GRID2: variants seen among roughly 807,000 people sequenced by gnomAD.
GRID2 encodes glutamate receptor ionotropic, delta-2.
GRID2 carries 33 observed loss-of-function variants against 114.8 expected under a neutral mutation model. The observed-to-expected ratio is 0.29, with a 90% CI of 0.22 to 0.38. The LOEUF is 0.38. GRID2 is among the 10% of genes least tolerant of loss of function. The pLI is 1.00. For synonymous variants in GRID2, 505 were observed against 449.9 expected (o/e 1.12, Z -1.55); for missense variants, 1,184 against 1,257.7 (o/e 0.94, Z 0.89).
intron 2 of GRID2, among the ~76,000 whole-genome samples, chr4:92,813,310 G>C (rs907169770): frequency 2.0e-5 from 3 of 152,068 alleles, no homozygotes; most frequent in African/African-American, 7.2e-5. Context: ...GCCAGGTTCT[G>C]GTTCAAGCCC....
chr4:92,304,988 G>A (rs763343308), intron 1 of GRID2, among the ~76,000 whole-genome samples: 15 of 152,178 alleles, frequency 9.9e-5, no homozygotes, highest in Non-Finnish European at 2.1e-4. Flanking sequence ...ATGCGTGGGG[G>A]TCTCGAGTTG....
chr4:93,064,053 G>A (rs1247493282), intron 2 of GRID2, among the ~76,000 whole-genome samples: 1 of 141,290 alleles, frequency 7.1e-6, no homozygotes, highest in Non-Finnish European at 1.5e-5. Context: ...CGCTGTTAAT[G>A]TTACATTTAC....
In GRID2 at chr4:92,359,896, G is replaced by GA. The variant is rs544507647; in HGVS notation, c.88+55160dup. The stretch of plus-strand genomic sequence containing the variant: ...GTGACCTATGATATTGACTATTTCT[G>GA]AAAAAAAATCTTTATAGTTGGGTAC... On this transcript the variant is annotated intron_variant, in intron 1 of 15. Coordinates refer to ENST00000282020, the MANE Select transcript of GRID2 (RefSeq NM_001510.4). Among the ~76,000 whole-genome samples, 48 of 151,712 alleles carry GA rather than the reference G, an allele frequency of 3.2e-4. 1 individual carries two copies. The South Asian group carries it at 8.7e-3, about 28-fold the overall frequency.
chr4:92,626,889 A>G (rs1730550306), intron 2 of GRID2, among the ~76,000 whole-genome samples: 1 of 152,106 alleles, frequency 6.6e-6, no homozygotes, highest in Non-Finnish European at 1.5e-5. Flanking sequence ...ACAGAGTCAA[A>G]TCATTAATAA....
chr4:93,767,348 A>C (rs955321989), intron 14 of GRID2, among the ~76,000 whole-genome samples: 4 of 152,196 alleles, frequency 2.6e-5, no homozygotes, highest in Non-Finnish European at 5.9e-5. Context: ...AATTCTGGAA[A>C]TGCAAATGGC....
At chr4:93,122,027 T>C (rs1333646172) in intron 4 of GRID2, among the ~76,000 whole-genome samples, 1 of 152,186 alleles carries the variant, frequency 6.6e-6, no homozygotes, top group South Asian at 2.1e-4. Context: ...GTCAAGTGAA[T>C]GTATTTTGAA....
intron 2 of GRID2, among the ~76,000 whole-genome samples, chr4:92,715,481 A>G (rs1368630812): frequency 6.6e-6 from 1 of 152,008 alleles, no homozygotes; most frequent in Non-Finnish European, 1.5e-5. Context: ...CCTGCTATCA[A>G]TTTACTGTAT....
At chr4:92,783,305 A>T (rs1293935514) in intron 2 of GRID2, among the ~76,000 whole-genome samples, 1 of 152,080 alleles carries the variant, frequency 6.6e-6, no homozygotes, top group African/African-American at 2.4e-5. Context: ...TGGCAGTTTT[A>T]CATGATTCAG....
chr4:92,897,995 T>G (rs1747291263), intron 2 of GRID2, among the ~76,000 whole-genome samples: 1 of 152,176 alleles, frequency 6.6e-6, no homozygotes, highest in African/African-American at 2.4e-5. Context: ...CTACATCTTC[T>G]TTACATTTTA....
rs112528850 is a variant in GRID2 at position 93,156,447 on chromosome 4, G to A, written c.735+45494G>A. ...AGTAGGAACAAGGAACAATAATCCA[G>A]TTCAAATAGATGGGCGTGCTCAAAT... is the stretch of plus-strand genomic sequence containing the variant. On this transcript the variant is annotated intron_variant, in intron 4 of 15. Coordinates refer to ENST00000282020, the MANE Select transcript of GRID2 (RefSeq NM_001510.4). Among the ~76,000 whole-genome samples, 113 of 151,732 alleles carry A rather than the reference G, an allele frequency of 7.4e-4. 1 individual carries two copies. The highest frequency in any genetic ancestry group is 2.6e-3 in the African/African-American group (106 of 41,496).
intron 2 of GRID2, among the ~76,000 whole-genome samples, chr4:92,850,418 C>T (rs1743688468): frequency 6.6e-6 from 1 of 151,712 alleles, no homozygotes; most frequent in Non-Finnish European, 1.5e-5. Context: ...GATAGTTGAA[C>T]ATTTTTCATG....
intron 11 of GRID2, among the ~76,000 whole-genome samples, chr4:93,467,933 A>G (rs1580168798): frequency 6.6e-6 from 1 of 152,296 alleles, no homozygotes; most frequent in African/African-American, 2.4e-5. Flanking sequence ...TCATCATAAC[A>G]TGTTTTGAAA....
At chr4:93,502,481 A>T (rs1438432691) in intron 12 of GRID2, among the ~76,000 whole-genome samples, 1 of 151,950 alleles carries the variant, frequency 6.6e-6, no homozygotes, top group Non-Finnish European at 1.5e-5. Context: ...TGAAAAAAAA[A>T]ATCCTTTTTT....
intron 15 of GRID2, among the ~76,000 whole-genome samples, chr4:93,770,765 C>T (rs1734045605): frequency 6.6e-6 from 1 of 152,122 alleles, no homozygotes; most frequent in African/African-American, 2.4e-5. Flanking sequence ...AAAGTAAGGA[C>T]TCCCCAAGCT....
rs769875157 is a variant in GRID2 at position 93,423,011 on chromosome 4, A to G, written c.1545+43A>G. 2.3e-6 allele frequency: 3 copies of G among 1,332,718 alleles called. No individual in the cohort carries two copies. The African/African-American group carries it at 4.4e-5, about 19-fold the overall frequency. The allele number at this position is 1,332,718 out of a possible 1,614,324, so 82.6% of individuals were successfully genotyped here. A position where few individuals can be genotyped will look rare whatever the true frequency, so the allele number is the denominator to read the frequency against. On this transcript the variant is annotated intron_variant, in intron 10 of 15. Coordinates refer to ENST00000282020, the MANE Select transcript of GRID2 (RefSeq NM_001510.4). ...TATTTGTCTCATACTTAAAGGTTCAATTATTTGTCTCATACCTAAAGGTTC... is the reference window on the plus strand; with the variant it reads ...TATTTGTCTCATACTTAAAGGTTCAGTTATTTGTCTCATACCTAAAGGTTC...
intron 2 of GRID2, among the ~76,000 whole-genome samples, chr4:92,733,043 C>G (rs1319448501): frequency 6.6e-6 from 1 of 151,916 alleles, no homozygotes; most frequent in Non-Finnish European, 1.5e-5. Context: ...GAAAGATTTG[C>G]TTTTAAATCA....
chr4:93,776,247 T>C (rs1734367577), downstream of GRID2, among the ~76,000 whole-genome samples: 1 of 152,196 alleles, frequency 6.6e-6, no homozygotes, highest in South Asian at 2.1e-4. Context: ...TATTAATAAA[T>C]GATTAACAAC....
chr4:93,583,325 A>T (rs1737175396), intron 13 of GRID2, among the ~76,000 whole-genome samples: 1 of 152,180 alleles, frequency 6.6e-6, no homozygotes, highest in African/African-American at 2.4e-5. Flanking sequence ...TTAACTTTCT[A>T]GTTTGTGTTA....
At chr4:92,337,666 A>G (rs961353836) in intron 1 of GRID2, among the ~76,000 whole-genome samples, 6 of 152,218 alleles carry the variant, frequency 3.9e-5, no homozygotes, top group South Asian at 2.1e-4. Context: ...GAACTCACTC[A>G]CTATCAGAAG....
Sources: allele counts gnomAD v4.1 joint callset (sites outside exome capture counted in the v4.1 genomes callset), GRCh38; gene constraint gnomAD v4.1.1; transcripts MANE v1.5; gene names NCBI Gene and HGNC (gene_info 2026-07-23, HGNC 2026-07-21).